The following EPB41 variants were observed in gnomAD, a reference collection of about 807,000 sequenced individuals.
EPB41 encodes the protein protein 4.1.
EPB41 carries 65 observed loss-of-function variants against 108.0 expected under a neutral mutation model. That is an observed-to-expected ratio of 0.60 (90% CI 0.49 to 0.74). The LOEUF is 0.74. Among genes scored for constraint, EPB41 ranks in the 30% least tolerant of loss-of-function variants. EPB41 has a pLI of 0.00. For missense variants in EPB41, 875 were observed against 1,037.0 expected, an observed-to-expected ratio of 0.84 and a Z score of 2.15; for synonymous variants, 336 against 358.9, an observed-to-expected ratio of 0.94 and a Z score of 0.72.
chr1:29,061,717 C>T (rs1468203163), intron 15 of EPB41, among the ~76,000 whole-genome samples: 1 of 150,754 alleles, frequency 6.6e-6, no homozygotes, highest in Non-Finnish European at 1.5e-5. Context: ...ATAGCTGGGG[C>T]TATGGGTGCA....
intron 1 of EPB41, among the ~76,000 whole-genome samples, chr1:28,967,388 T>G (rs1309200361): frequency 3.9e-5 from 6 of 152,188 alleles, no homozygotes; most frequent in Non-Finnish European, 5.9e-5. Flanking sequence ...AAGTTACTGA[T>G]ACTTTGGAAT....
chr1:28,977,270 T>G (rs1267593084), intron 1 of EPB41, among the ~76,000 whole-genome samples: 1 of 152,160 alleles, frequency 6.6e-6, no homozygotes, highest in Non-Finnish European at 1.5e-5. Flanking sequence ...GCTGCCAAAC[T>G]GCAATGTTTT....
At chr1:29,080,072 A>G (rs1445071904) in intron 16 of EPB41, among the ~76,000 whole-genome samples, 1 of 151,196 alleles carries the variant, frequency 6.6e-6, no homozygotes, top group African/African-American at 2.4e-5. Context: ...GTATTTACCA[A>G]TAAGTCAGAA....
chr1:29,102,438 C>G (rs765147208), intron 17 of EPB41, among the ~76,000 whole-genome samples: 109 of 152,046 alleles, frequency 7.2e-4, no homozygotes, highest in Non-Finnish European at 1.4e-3. Context: ...AACAAAAAAC[C>G]AACAACCAAA....
chr1:28,914,374 C>G, upstream of EPB41, among the ~76,000 whole-genome samples: 1 of 152,238 alleles, frequency 6.6e-6, no homozygotes, highest in East Asian at 1.9e-4. Flanking sequence ...CTCTCCTCTC[C>G]TTACCGGCCT....
At chr1:28,961,358 C>T (rs2095206319) in intron 1 of EPB41, among the ~76,000 whole-genome samples, 1 of 152,014 alleles carries the variant, frequency 6.6e-6, no homozygotes, top group Admixed American at 6.6e-5. Flanking sequence ...CGAGAGTGTC[C>T]TGGTTTATTA....
chr1:28,965,041 A>C (rs530038894), intron 1 of EPB41, among the ~76,000 whole-genome samples: 5 of 152,278 alleles, frequency 3.3e-5, no homozygotes, highest in Non-Finnish European at 7.4e-5. Context: ...TGAGGGTAGA[A>C]GCCACATCTT....
chr1:29,056,150 C>T (rs1242115184), intron 12 of EPB41, among the ~76,000 whole-genome samples: 1 of 150,660 alleles, frequency 6.6e-6, no homozygotes, highest in East Asian at 2.0e-4. Flanking sequence ...AGGAGAATGG[C>T]GTGAACCCGG....
intron 16 of EPB41, chr1:29,068,685 T>C: frequency 8.8e-7 from 1 of 1,139,464 alleles, no homozygotes; most frequent in Non-Finnish European, 1.1e-6. Context: ...ACGGTATTGT[T>C]GTTGCATTGC....
At chr1:29,004,364 C>A (rs1024560271) in intron 4 of EPB41, among the ~76,000 whole-genome samples, 3 of 152,164 alleles carry the variant, frequency 2.0e-5, no homozygotes, top group Non-Finnish European at 4.4e-5. Flanking sequence ...AATTTTCTTA[C>A]CTTTAGAGTC....
At chr1:29,012,809 C>G (rs1161043730) in intron 5 of EPB41, among the ~76,000 whole-genome samples, 1 of 152,174 alleles carries the variant, frequency 6.6e-6, no homozygotes, top group Non-Finnish European at 1.5e-5. Context: ...AAACAAAATA[C>G]TCTTTTGGAC....
intron 10 of EPB41, 43 bp downstream of exon 10, chr1:29,035,966 TAACG>T: frequency 6.9e-7 from 1 of 1,451,358 alleles, no homozygotes; most frequent in Non-Finnish European, 9.7e-7. Flanking sequence ...AAATTATTTA[TAACG>T]TTTCTATTTT....
At chr1:28,897,641 A>G (rs2090842676) in intron 1 of EPB41, among the ~76,000 whole-genome samples, 1 of 9,174 alleles carries the variant, frequency 1.1e-4, no homozygotes, top group Admixed American at 2.4e-3. Flanking sequence ...AGGGGAGAGG[A>G]GGGGAGAGGA....
intron 17 of EPB41, among the ~76,000 whole-genome samples, chr1:29,098,732 G>A (rs1485813607): frequency 6.6e-6 from 1 of 151,504 alleles, no homozygotes; most frequent in Non-Finnish European, 1.5e-5. Context: ...GGATTTAAGT[G>A]TTTTTTGTTT....
chr1:29,059,442 G>A (rs1646129119), intron 14 of EPB41, among the ~76,000 whole-genome samples: 1 of 151,666 alleles, frequency 6.6e-6, no homozygotes, highest in Non-Finnish European at 1.5e-5. Context: ...TCATATTCTT[G>A]GAATAATTGA....
At chr1:29,062,185 C>A (rs1382491264) in intron 15 of EPB41, among the ~76,000 whole-genome samples, 4 of 152,200 alleles carry the variant, frequency 2.6e-5, no homozygotes, top group Admixed American at 2.6e-4. Context: ...GTAGTTCCAT[C>A]TTCAGAGACT....
intron 12 of EPB41, among the ~76,000 whole-genome samples, chr1:29,057,595 C>T (rs552831595): frequency 9.2e-5 from 14 of 152,012 alleles, no homozygotes; most frequent in Middle Eastern, 3.4e-3. Context: ...ATATCAACAC[C>T]ACAGATTGAT....
chr1:28,929,458 C>T (rs1456382474), intron 1 of EPB41, among the ~76,000 whole-genome samples: 2 of 151,986 alleles, frequency 1.3e-5, no homozygotes, highest in Non-Finnish European at 1.5e-5. Flanking sequence ...TCTCGATCTC[C>T]TGACCTTGTG....
chr1:28,933,909 A>G (rs1391364940), intron 1 of EPB41, among the ~76,000 whole-genome samples: 1 of 152,162 alleles, frequency 6.6e-6, no homozygotes, highest in East Asian at 1.9e-4. Context: ...ATATATTAGT[A>G]TAGTATATTT....
Sources: allele counts gnomAD v4.1 joint callset (sites outside exome capture counted in the v4.1 genomes callset), GRCh38; gene constraint gnomAD v4.1.1; transcripts MANE v1.5; gene names NCBI Gene and HGNC (gene_info 2026-07-23, HGNC 2026-07-21).